VOPP1: variants seen among roughly 807,000 people sequenced by gnomAD.
VOPP1 encodes the protein VOPP1 WW domain binding protein.
A neutral mutation model predicts 23.5 loss-of-function variants in VOPP1; 8 were observed. The ratio of observed to expected loss-of-function variants is 0.34; its 90% CI spans 0.20 to 0.61. The LOEUF is 0.61. Among genes scored for constraint, VOPP1 ranks in the 20% least tolerant of loss-of-function variants. The pLI, the probability that VOPP1 is intolerant of heterozygous loss-of-function variation, is 0.78. For synonymous variants in VOPP1, 83 were observed against 97.3 expected (o/e 0.85, Z 0.86); for missense variants, 174 against 238.1 (o/e 0.73, Z 1.77).
chr7:55,503,684 G>A (rs763577749), intron 2 of VOPP1, among the ~76,000 whole-genome samples: 1 of 152,176 alleles, frequency 6.6e-6, no homozygotes, highest in Non-Finnish European at 1.5e-5. Context: ...CCTCGTGACA[G>A]GGTTGGGGGT....
At chr7:55,460,432 T>TA (rs1179340321) in intron 4 of VOPP1, among the ~76,000 whole-genome samples, 4 of 152,144 alleles carry the variant, frequency 2.6e-5, no homozygotes, top group African/African-American at 9.7e-5. Flanking sequence ...AAAATCCAGT[T>TA]AAAATCCAAT....
chr7:55,502,009 A>G (rs1225727588), intron 2 of VOPP1, among the ~76,000 whole-genome samples: 2 of 152,238 alleles, frequency 1.3e-5, no homozygotes, highest in Admixed American at 6.5e-5. Context: ...ACTTGATATA[A>G]AAGAGGAAAG....
At chr7:55,487,707 G>C (rs1317243298) in intron 4 of VOPP1, among the ~76,000 whole-genome samples, 1 of 152,224 alleles carries the variant, frequency 6.6e-6, no homozygotes, top group Admixed American at 6.5e-5. Flanking sequence ...CCAGCAAATT[G>C]TCTTGATCTT....
At chr7:55,455,836 A>C (rs1482516231) in intron 4 of VOPP1, among the ~76,000 whole-genome samples, 1 of 152,232 alleles carries the variant, frequency 6.6e-6, no homozygotes, top group Non-Finnish European at 1.5e-5. Flanking sequence ...GTAAGACCTA[A>C]AACCATAAAA....
intron 1 of VOPP1, among the ~76,000 whole-genome samples, chr7:55,559,191 G>C (rs1195610596): frequency 2.6e-5 from 4 of 152,076 alleles, no homozygotes; most frequent in African/African-American, 4.8e-5. Flanking sequence ...CAGATAAACA[G>C]GGTGGAGTTT....
chr7:55,572,213 C>T (rs1798389224), intron 1 of VOPP1, 58 bp downstream of exon 1: 33 of 1,451,578 alleles, frequency 2.3e-5, no homozygotes, highest in Admixed American at 6.4e-5. Context: ...CTGCGCGCCC[C>T]CAGCCGCCAG....
At chr7:55,561,018 T>C (rs1230955285) in intron 1 of VOPP1, among the ~76,000 whole-genome samples, 2 of 152,070 alleles carry the variant, frequency 1.3e-5, no homozygotes, top group Non-Finnish European at 1.5e-5. Context: ...AGGGGGCCAG[T>C]CAGGGCAGCT....
chr7:55,458,390 TTTGGCTATTCTG>T (rs564314777), intron 4 of VOPP1, among the ~76,000 whole-genome samples: 248 of 152,284 alleles, frequency 1.6e-3, no homozygotes, highest in African/African-American at 5.6e-3. Flanking sequence ...TCAGGGTTGC[TTTGGCTATTCTG>T]ATTCTTTTTT....
At chr7:55,511,679 A>G (rs1795079473) in intron 2 of VOPP1, among the ~76,000 whole-genome samples, 1 of 152,168 alleles carries the variant, frequency 6.6e-6, no homozygotes. Context: ...AACTCAAAAG[A>G]ATGCAACCAC....
At chr7:55,511,217 CG>C (rs1363326971) in intron 2 of VOPP1, among the ~76,000 whole-genome samples, 1 of 152,136 alleles carries the variant, frequency 6.6e-6, no homozygotes, top group African/African-American at 2.4e-5. Flanking sequence ...ACAGTGCTGG[CG>C]GGGACAGTTT....
At chr7:55,489,834 G>C (rs1793433523) in intron 4 of VOPP1, among the ~76,000 whole-genome samples, 1 of 152,142 alleles carries the variant, frequency 6.6e-6, no homozygotes. Flanking sequence ...GCCCCGTGGG[G>C]AGCCCAGTGT....
intron 2 of VOPP1, among the ~76,000 whole-genome samples, chr7:55,506,068 G>A (rs908648370): frequency 2.0e-5 from 3 of 152,100 alleles, no homozygotes; most frequent in Admixed American, 6.5e-5. Flanking sequence ...TGACGCCTTC[G>A]AGAGGTCCCC....
chr7:55,529,956 A>T (rs1796406160), intron 1 of VOPP1, among the ~76,000 whole-genome samples: 1 of 152,212 alleles, frequency 6.6e-6, no homozygotes, highest in African/African-American at 2.4e-5. Context: ...TCCATTCACC[A>T]GCCTATGGAC....
intron 1 of VOPP1, chr7:55,537,782 G>C (rs549548255): frequency 2.4e-6 from 3 of 1,236,360 alleles, no homozygotes; most frequent in African/African-American, 3.0e-5. Context: ...GGCCACCAAG[G>C]AACATGCACT....
chr7:55,449,293 G>C (rs1007167263), intron 4 of VOPP1, among the ~76,000 whole-genome samples: 1 of 152,166 alleles, frequency 6.6e-6, no homozygotes, highest in Non-Finnish European at 1.5e-5. Flanking sequence ...CGGATGGACC[G>C]GGACGCCGGC....
downstream of VOPP1, among the ~76,000 whole-genome samples, chr7:55,465,882 C>T (rs970115780): frequency 2.0e-5 from 3 of 152,190 alleles, no homozygotes; most frequent in African/African-American, 4.8e-5. Flanking sequence ...TCATTCTTGG[C>T]ATCCAAAGAA....
At chr7:55,483,636 C>G (rs1221474927) in intron 4 of VOPP1, among the ~76,000 whole-genome samples, 1 of 151,966 alleles carries the variant, frequency 6.6e-6, no homozygotes, top group East Asian at 1.9e-4. Context: ...CACCTTTGAC[C>G]CCGCCCCTTC....
chr7:55,529,576 A>C (rs1473212611), intron 1 of VOPP1, among the ~76,000 whole-genome samples: 1 of 152,150 alleles, frequency 6.6e-6, no homozygotes, highest in African/African-American at 2.4e-5. Context: ...GTTCTAGCTC[A>C]ATTTACTTAG....
chr7:55,544,091 T>C (rs1237601004), intron 1 of VOPP1, among the ~76,000 whole-genome samples: 1 of 152,184 alleles, frequency 6.6e-6, no homozygotes, highest in Non-Finnish European at 1.5e-5. Context: ...TTTTTGTACA[T>C]GGCGAGAGAC....
Sources: gnomAD v4.1 joint callset for allele counts (sites outside exome capture counted in the v4.1 genomes callset) on GRCh38, gnomAD v4.1.1 for gene constraint, MANE v1.5 for transcripts, NCBI Gene and HGNC (gene_info 2026-07-23, HGNC 2026-07-21) for gene names.